Variants in NCKAP5 observed in about 807,000 individuals in gnomAD.
NCKAP5 encodes nck-associated protein 5.
In NCKAP5, 92 loss-of-function variants were observed where a neutral mutation model predicts 167.0. The observed-to-expected ratio is 0.55, with a 90% confidence interval of 0.47 to 0.66. The LOEUF is 0.66. Ranked by LOEUF, NCKAP5 falls within the 30% of genes least tolerant of loss-of-function variation. NCKAP5 has a pLI of 0.00. For synonymous variants in NCKAP5, 891 were observed against 877.4 expected (o/e 1.02, Z -0.27); for missense variants, 2,378 against 2,315.0 (o/e 1.03, Z -0.56).
intron 19 of NCKAP5, among the ~76,000 whole-genome samples, chr2:132,699,193 C>T (rs80176133): frequency 6.6e-6 from 1 of 152,168 alleles, no homozygotes; most frequent in South Asian, 2.1e-4. Context: ...TGCACTCTCT[C>T]TTTATGGATG....
At chr2:132,769,953 T>C (rs72844801) in intron 16 of NCKAP5, among the ~76,000 whole-genome samples, 16,839 of 152,302 alleles carry the variant, frequency 0.11, 1,009 homozygotes, top group Middle Eastern at 0.15. Flanking sequence ...GAGCCAATAT[T>C]GGCTCCTCTA....
chr2:132,909,345 CA>C (rs1014062167), intron 8 of NCKAP5, among the ~76,000 whole-genome samples: 4 of 149,134 alleles, frequency 2.7e-5, no homozygotes, highest in South Asian at 2.1e-4. Context: ...TACTCCATCT[CA>C]AAAAAAAAAT....
At chr2:132,690,559 G>A (rs950000470) in intron 19 of NCKAP5, among the ~76,000 whole-genome samples, 16 of 152,066 alleles carry the variant, frequency 1.1e-4, no homozygotes, top group East Asian at 3.9e-4. Flanking sequence ...AATTAGCCTC[G>A]GATAAAGTTG....
intron 11 of NCKAP5, among the ~76,000 whole-genome samples, chr2:132,818,474 G>C (rs113360977): frequency 6.6e-6 from 1 of 152,114 alleles, no homozygotes; most frequent in African/African-American, 2.4e-5. Context: ...TCAGGGGTTT[G>C]AGACCAACCT....
At chr2:133,078,272 CA>C (rs2080679978) in intron 6 of NCKAP5, among the ~76,000 whole-genome samples, 1 of 152,070 alleles carries the variant, frequency 6.6e-6, no homozygotes, top group South Asian at 2.1e-4. Flanking sequence ...TCTACAGTGG[CA>C]AAAATGGAAG....
chr2:132,930,891 A>C (rs1333720901), intron 8 of NCKAP5: 2 of 152,114 alleles, frequency 1.3e-5, no homozygotes, highest in Admixed American at 1.3e-4. Flanking sequence ...TTTTTTTCTC[A>C]CCAACCACCC....
intron 3 of NCKAP5, among the ~76,000 whole-genome samples, chr2:133,463,292 T>C (rs1692317007): frequency 6.6e-6 from 1 of 152,244 alleles, no homozygotes; most frequent in South Asian, 2.1e-4. Context: ...TCTTCCAGGC[T>C]GGTTTCAGTG....
At chr2:133,272,343 A>T (rs1184048391) in intron 4 of NCKAP5, among the ~76,000 whole-genome samples, 1 of 152,144 alleles carries the variant, frequency 6.6e-6, no homozygotes, top group South Asian at 2.1e-4. Context: ...AACAGTGGAG[A>T]CATAAATCAA....
chr2:133,384,981 G>A lies in NCKAP5; in HGVS notation c.70-81871C>T, dbSNP rs148417000. Among the ~76,000 whole-genome samples, 355 of 152,262 alleles carry A rather than the reference G, an allele frequency of 2.3e-3. 7 individuals carry two copies. The East Asian group carries it at 0.049, about 21-fold the overall frequency. On this transcript the variant is annotated intron_variant, in intron 3 of 19. Transcript: ENST00000409261. The stretch of plus-strand genomic sequence containing the variant: ...TGGGGTTTTCCAGATATACAATCAC[G>A]TCATCTGCAAACAGGGACAATTTGA...
At chr2:132,794,269 G>T (rs1218750265) in intron 12 of NCKAP5, among the ~76,000 whole-genome samples, 370 of 62,964 alleles carry the variant, frequency 5.9e-3, no homozygotes, top group African/African-American at 9.1e-3. Flanking sequence ...TATATAGAGA[G>T]AGAGAGAGAG....
intron 5 of NCKAP5, among the ~76,000 whole-genome samples, chr2:133,207,831 C>A (rs1375949277): frequency 6.6e-6 from 1 of 152,152 alleles, no homozygotes; most frequent in African/African-American, 2.4e-5. Flanking sequence ...AAGAGACAAA[C>A]ATCCCATGCA....
chr2:132,703,700 A>G (rs182982821), intron 19 of NCKAP5, among the ~76,000 whole-genome samples: 5 of 152,340 alleles, frequency 3.3e-5, no homozygotes, highest in Non-Finnish European at 7.4e-5. Context: ...TCATTCATTC[A>G]TTCATTCATT....
intron 2 of NCKAP5, among the ~76,000 whole-genome samples, chr2:133,545,315 G>A (rs1686561906): frequency 6.6e-6 from 1 of 152,086 alleles, no homozygotes; most frequent in African/African-American, 2.4e-5. Flanking sequence ...CAGCCAAGTT[G>A]GGTGACCAAA....
chr2:132,937,876 A>T (rs1696977289), intron 8 of NCKAP5, among the ~76,000 whole-genome samples: 1 of 152,236 alleles, frequency 6.6e-6, no homozygotes, highest in African/African-American at 2.4e-5. Context: ...AGGAAATGCC[A>T]GGTTTCAGAA....
chr2:133,538,990 G>C (rs1219959873), intron 2 of NCKAP5, among the ~76,000 whole-genome samples: 1 of 141,492 alleles, frequency 7.1e-6, no homozygotes, highest in Admixed American at 7.3e-5. Context: ...GCCCAGGCTG[G>C]AGTGCAGTGG....
At chr2:132,801,624 T>G (rs12614121) in intron 11 of NCKAP5, among the ~76,000 whole-genome samples, 26,841 of 152,152 alleles carry the variant, frequency 0.18, 2,782 homozygotes, top group East Asian at 0.3. Context: ...ACAGAACGCA[T>G]GCCTCATACA....
rs999676653 is a variant in NCKAP5, at chr2:133,410,199, G to T, written c.70-107089C>A. On this transcript the variant is annotated intron_variant, in intron 3 of 19. Coordinates refer to ENST00000409261, the MANE Select transcript of NCKAP5 (RefSeq NM_207363.3). ...ATGATTTAACCATCTACTACACATT[G>T]CTGGTTCCGTTACTTAGAATAGACA... is the stretch of plus-strand genomic sequence containing the variant. Among the ~76,000 whole-genome samples, 6 of 152,206 alleles carry T rather than the reference G, an allele frequency of 3.9e-5. 1 individual carries two copies. Among genetic ancestry groups the T allele is most frequent in the Admixed American group, 3.9e-4 (6 of 15,280 alleles).
Position 133,104,854 on chromosome 2 carries a change from T to G in NCKAP5, c.341+25124A>C, listed in dbSNP as rs539063098. ...ATTATTGAAGTGTGCCTTAACCTGC[T>G]TCTTCCAGATGTGAACTCACTCACT... is the stretch of plus-strand genomic sequence containing the variant. On this transcript the variant is annotated intron_variant, in intron 6 of 19. Transcript: ENST00000409261. 3.3e-5 allele frequency among the ~76,000 whole-genome samples: 5 copies of G among 152,352 alleles called. No individual in the cohort carries two copies. In the South Asian group the frequency reaches 1.0e-3, roughly 32 times the overall value.
chr2:133,134,851 G>C (rs980078963), intron 5 of NCKAP5, among the ~76,000 whole-genome samples: 3 of 152,298 alleles, frequency 2.0e-5, no homozygotes, highest in Non-Finnish European at 4.4e-5. Flanking sequence ...CTTTCTACAT[G>C]CATGTTCCAA....
Sources: gnomAD v4.1 joint callset for allele counts (sites outside exome capture counted in the v4.1 genomes callset) on GRCh38, gnomAD v4.1.1 for gene constraint, MANE v1.5 for transcripts, NCBI Gene and HGNC (gene_info 2026-07-23, HGNC 2026-07-21) for gene names.